PTPRD: variants seen among roughly 807,000 people sequenced by gnomAD.
The protein encoded by PTPRD is protein tyrosine phosphatase receptor type D, also known as receptor-type tyrosine-protein phosphatase delta.
In PTPRD, 34 loss-of-function variants were observed where a neutral mutation model predicts 214.5. That is an observed-to-expected ratio of 0.16 (90% CI 0.12 to 0.21). The LOEUF is 0.21. Ranked by LOEUF, PTPRD falls within the 10% of genes least tolerant of loss-of-function variation. The pLI is 1.00. For synonymous variants in PTPRD, 1,128 were observed against 845.7 expected (o/e 1.33, Z -5.79); for missense variants, 2,545 against 2,398.7 (o/e 1.06, Z -1.27).
chr9:10,575,263 C>A (rs944612312), intron 2 of PTPRD, among the ~76,000 whole-genome samples: 31 of 151,900 alleles, frequency 2.0e-4, no homozygotes, highest in African/African-American at 6.8e-4. Context: ...ATACTAATTA[C>A]AATTAAACAA....
chr9:9,522,099 G>C (rs1414315146), intron 8 of PTPRD, among the ~76,000 whole-genome samples: 2 of 148,342 alleles, frequency 1.3e-5, no homozygotes, highest in African/African-American at 5.0e-5. Flanking sequence ...GGAGGTTGTG[G>C]TGAGCTGAGA....
At chr9:9,020,348 G>A (rs2099561226) in intron 10 of PTPRD, among the ~76,000 whole-genome samples, 1 of 152,270 alleles carries the variant, frequency 6.6e-6, no homozygotes, top group African/African-American at 2.4e-5. Context: ...TTATCTGTTT[G>A]CTGTGTGATG....
chr9:9,231,072 G>C (rs1259729890), intron 9 of PTPRD, among the ~76,000 whole-genome samples: 3 of 152,010 alleles, frequency 2.0e-5, no homozygotes, highest in Non-Finnish European at 4.4e-5. Context: ...GGGGGAATGG[G>C]TGTTCTAACA....
intron 3 of PTPRD, among the ~76,000 whole-genome samples, chr9:10,096,050 C>G (rs939019530): frequency 6.6e-6 from 1 of 151,538 alleles, no homozygotes; most frequent in African/African-American, 2.4e-5. Context: ...TGAAACACAA[C>G]TAATATTCAG....
chr9:8,809,495 T>G (rs2154522076), intron 11 of PTPRD, among the ~76,000 whole-genome samples: 1 of 152,286 alleles, frequency 6.6e-6, no homozygotes, highest in South Asian at 2.1e-4. Flanking sequence ...GCTGTCTGCT[T>G]TCCATTTACA....
At chr9:8,746,429 T>C (rs1169226921) in intron 11 of PTPRD, among the ~76,000 whole-genome samples, 2 of 152,236 alleles carry the variant, frequency 1.3e-5, no homozygotes, top group African/African-American at 4.8e-5. Context: ...AAAAAAATAT[T>C]ATTCCAATAC....
chr9:9,750,983 G>A (rs888103580), intron 6 of PTPRD, among the ~76,000 whole-genome samples: 1 of 152,034 alleles, frequency 6.6e-6, no homozygotes, highest in East Asian at 1.9e-4. Flanking sequence ...ACTGGAGAAA[G>A]AAATCAAATA....
At chr9:10,586,036 T>C (rs2073782264) in intron 2 of PTPRD, among the ~76,000 whole-genome samples, 1 of 152,088 alleles carries the variant, frequency 6.6e-6, no homozygotes, top group Admixed American at 6.5e-5. Context: ...TCATACTTAA[T>C]ATATTTATTT....
chr9:10,259,408 T>A (rs925350518), intron 3 of PTPRD, among the ~76,000 whole-genome samples: 1 of 152,142 alleles, frequency 6.6e-6, no homozygotes, highest in Non-Finnish European at 1.5e-5. Context: ...GACTTCCCCT[T>A]CATATGGAAG....
At chr9:9,973,102 G>A (rs2095203335) in intron 4 of PTPRD, among the ~76,000 whole-genome samples, 1 of 152,006 alleles carries the variant, frequency 6.6e-6, no homozygotes, top group Admixed American at 6.6e-5. Context: ...CCTACCAGAA[G>A]GGAATAGTCA....
intron 8 of PTPRD, among the ~76,000 whole-genome samples, chr9:9,539,769 C>T (rs1207008217): frequency 6.6e-6 from 1 of 151,860 alleles, no homozygotes; most frequent in Non-Finnish European, 1.5e-5. Flanking sequence ...TAAATTGCTG[C>T]TTTGGTTCAG....
chr9:9,767,122 C>A (rs2098713272), intron 5 of PTPRD, among the ~76,000 whole-genome samples: 1 of 151,110 alleles, frequency 6.6e-6, no homozygotes, highest in Admixed American at 6.6e-5. Flanking sequence ...ATAAACTTTC[C>A]AGGAAAAAAT....
intron 9 of PTPRD, among the ~76,000 whole-genome samples, chr9:9,320,423 A>G (rs1281354810): frequency 6.6e-6 from 1 of 152,234 alleles, no homozygotes; most frequent in Non-Finnish European, 1.5e-5. Context: ...TCCTCATTTT[A>G]GAAATATATT....
At chr9:9,781,797 ATT>A (rs34458091) in intron 5 of PTPRD, among the ~76,000 whole-genome samples, 4 of 146,646 alleles carry the variant, frequency 2.7e-5, no homozygotes, top group Admixed American at 1.3e-4. Context: ...CTGGACTCAT[ATT>A]TTTTTTTTTT....
At chr9:9,112,603 G>T (rs75129024) in intron 10 of PTPRD, among the ~76,000 whole-genome samples, 1 of 152,100 alleles carries the variant, frequency 6.6e-6, no homozygotes, top group Non-Finnish European at 1.5e-5. Flanking sequence ...TCTCTTGACT[G>T]ATGCAAACCT....
intron 10 of PTPRD, among the ~76,000 whole-genome samples, chr9:9,174,279 T>G (rs563062162): frequency 7.0e-4 from 106 of 152,120 alleles, no homozygotes; most frequent in Non-Finnish European, 1.3e-3. Context: ...TCATCTACAA[T>G]AGTGACTGAT....
At chr9:10,605,149 C>CACATT (rs1461892213) in intron 2 of PTPRD, among the ~76,000 whole-genome samples, 1 of 151,776 alleles carries the variant, frequency 6.6e-6, no homozygotes, top group Non-Finnish European at 1.5e-5. Context: ...ATCCAAAGTA[C>CACATT]ACATTATAAG....
chr9:10,164,910 A>T (rs1188239909), intron 3 of PTPRD, among the ~76,000 whole-genome samples: 2 of 151,216 alleles, frequency 1.3e-5, no homozygotes. Flanking sequence ...AAAAAAAGAC[A>T]ATAGCATACA....
intron 10 of PTPRD, among the ~76,000 whole-genome samples, chr9:9,046,574 T>C (rs530783669): frequency 2.6e-5 from 4 of 152,322 alleles, no homozygotes; most frequent in African/African-American, 7.2e-5. Flanking sequence ...TGATAATTTT[T>C]AGGGAGGAAT....
Sources: allele counts gnomAD v4.1 joint callset (sites outside exome capture counted in the v4.1 genomes callset), GRCh38; gene constraint gnomAD v4.1.1; transcripts MANE v1.5; gene names NCBI Gene and HGNC (gene_info 2026-07-23, HGNC 2026-07-21).